The following DPP10 variants were observed in gnomAD, a reference collection of about 807,000 sequenced individuals.
DPP10 encodes the protein inactive dipeptidyl peptidase 10.
A neutral mutation model predicts 120.9 loss-of-function variants in DPP10; 33 were observed. That is an observed-to-expected ratio of 0.27 (90% confidence interval 0.21 to 0.37). The LOEUF (loss-of-function observed/expected upper bound fraction) is 0.37, where lower values mean the gene tolerates loss of function less well. DPP10 is among the 10% of genes least tolerant of loss of function. The probability of loss-of-function intolerance (pLI) is 1.00; values close to 1 mark genes in which losing one functional copy is unlikely to be tolerated. For synonymous variants in DPP10, 337 were observed against 326.1 expected (o/e 1.03, Z -0.36); for missense variants, 816 against 942.8 (o/e 0.87, Z 1.76).
intron 1 of DPP10, among the ~76,000 whole-genome samples, chr2:115,130,036 C>T (rs1235862173): frequency 6.6e-6 from 1 of 152,130 alleles, no homozygotes; most frequent in Non-Finnish European, 1.5e-5. Context: ...CTGCTTAGGA[C>T]TCACTAAACC....
chr2:115,109,723 C>G (rs867679543), intron 1 of DPP10, among the ~76,000 whole-genome samples: 3 of 152,178 alleles, frequency 2.0e-5, no homozygotes, highest in Non-Finnish European at 4.4e-5. Context: ...GATTCCTTCA[C>G]GCTGAATCCT....
chr2:115,709,094 C>T (rs543091666), intron 7 of DPP10, among the ~76,000 whole-genome samples: 5 of 152,172 alleles, frequency 3.3e-5, no homozygotes, highest in African/African-American at 1.2e-4. Context: ...GGCAGATTTT[C>T]GAAGGGAGTG....
intron 1 of DPP10, among the ~76,000 whole-genome samples, chr2:115,062,210 G>A (rs1173146395): frequency 6.6e-6 from 1 of 150,606 alleles, no homozygotes; most frequent in Non-Finnish European, 1.5e-5. Flanking sequence ...TTAGTAGTTT[G>A]AATTTTGCTA....
intron 1 of DPP10, among the ~76,000 whole-genome samples, chr2:114,523,874 T>C (rs958919321): frequency 6.6e-6 from 1 of 152,166 alleles, no homozygotes; most frequent in Non-Finnish European, 1.5e-5. Flanking sequence ...TCACAAGAGA[T>C]GGCATGTCTC....
At chr2:115,480,339 C>T (rs1344859522) in intron 3 of DPP10, among the ~76,000 whole-genome samples, 1 of 151,928 alleles carries the variant, frequency 6.6e-6, no homozygotes, top group Non-Finnish European at 1.5e-5. Context: ...TAAGAAATGG[C>T]CCTTTCTTTT....
At chr2:114,851,497 A>T (rs1688943284) in intron 1 of DPP10, among the ~76,000 whole-genome samples, 1 of 152,188 alleles carries the variant, frequency 6.6e-6, no homozygotes, top group South Asian at 2.1e-4. Context: ...ACTCAACAAG[A>T]TGTTGACCAC....
chr2:115,341,960 A>G (rs2063469482), intron 2 of DPP10, among the ~76,000 whole-genome samples: 1 of 152,206 alleles, frequency 6.6e-6, no homozygotes, highest in South Asian at 2.1e-4. Flanking sequence ...GGTAAATACA[A>G]AGGAGCCTGA....
chr2:115,679,195 G>GGT (rs1160653380), intron 5 of DPP10, among the ~76,000 whole-genome samples: 1 of 134,658 alleles, frequency 7.4e-6, no homozygotes, highest in African/African-American at 3.9e-5. Flanking sequence ...CATGAGATGT[G>GGT]GGGGGGGTGC....
At chr2:115,368,835 C>A (rs1260630918) in intron 3 of DPP10, among the ~76,000 whole-genome samples, 1 of 150,946 alleles carries the variant, frequency 6.6e-6, no homozygotes, top group Non-Finnish European at 1.5e-5. Context: ...AAAATATTTT[C>A]TTTAAATAAA....
At chr2:114,732,387 T>G (rs544233675) in intron 1 of DPP10, among the ~76,000 whole-genome samples, 1 of 152,232 alleles carries the variant, frequency 6.6e-6, no homozygotes, top group Non-Finnish European at 1.5e-5. Context: ...CTCTGGCAGG[T>G]GCTAAACTCC....
chr2:115,845,524 C>T lies in DPP10; in HGVS notation c.*3179C>T, dbSNP rs960068379. ...ATGGTCCATGGAAGACTCTGTGGGC[C>T]GCAGAAGCCCATAGCTGCATACCCT... On this transcript the variant is annotated 3_prime_UTR_variant, in exon 26 of 26. Coordinates refer to ENST00000410059, the MANE Select transcript of DPP10 (RefSeq NM_020868.6). 5 of 152,132 alleles carry T rather than the reference C, an allele frequency of 3.3e-5. No individual in the cohort carries two copies. The highest frequency in any genetic ancestry group is 6.5e-5 in the Admixed American group (1 of 15,272). The allele number at this position is 152,132 out of a possible 1,614,324, so 9.4% of individuals were successfully genotyped here.
At chr2:115,830,067 T>C (rs531889569) in intron 21 of DPP10, among the ~76,000 whole-genome samples, 1 of 152,104 alleles carries the variant, frequency 6.6e-6, no homozygotes, top group Non-Finnish European at 1.5e-5. Context: ...TTAAAAACAT[T>C]AATCACAGCC....
chr2:114,567,183 A>G (rs1174535485), intron 1 of DPP10, among the ~76,000 whole-genome samples: 1 of 152,194 alleles, frequency 6.6e-6, no homozygotes, highest in African/African-American at 2.4e-5. Flanking sequence ...AAACACCCTT[A>G]TGAGGCAGGT....
intron 3 of DPP10, 77 bp from the exon 4 acceptor site, chr2:115,499,433 T>A (rs2076566668): frequency 5.2e-6 from 6 of 1,153,730 alleles, no homozygotes. Context: ...CTGTTTATTT[T>A]GCACGTTTTC....
intron 1 of DPP10, among the ~76,000 whole-genome samples, chr2:115,047,513 C>T (rs1016665985): frequency 6.6e-5 from 10 of 151,622 alleles, no homozygotes; most frequent in East Asian, 3.9e-4. Flanking sequence ...ATATTTTAAC[C>T]GTGTCTTTTT....
intron 1 of DPP10, among the ~76,000 whole-genome samples, chr2:115,069,841 A>AT (rs1319914615): frequency 6.6e-6 from 1 of 151,156 alleles, no homozygotes; most frequent in African/African-American, 2.4e-5. Flanking sequence ...CGAATAGGCT[A>AT]TTTTTCAGGT....
chr2:115,132,073 G>C (rs780312253), intron 1 of DPP10: 1 of 152,158 alleles, frequency 6.6e-6, no homozygotes, highest in Non-Finnish European at 1.5e-5. Flanking sequence ...CTGGGCGACA[G>C]AGTGGCGCCA....
Position 114,932,330 on chromosome 2 carries a change from G to C in DPP10, c.61-376909G>C, listed in dbSNP as rs372235654. On this transcript the variant is annotated intron_variant, in intron 1 of 25. Coordinates refer to ENST00000410059, the MANE Select transcript of DPP10 (RefSeq NM_020868.6). ...ACTAAGTATATACCAAGAGAAATGA[G>C]TGCATTATTCACTAAAATATATGAA... Among the ~76,000 whole-genome samples the C allele has an allele frequency of 3.9e-5, 6 of 152,314 alleles. No homozygotes were observed. In the East Asian group the frequency reaches 9.6e-4, roughly 24 times the overall value.
intron 1 of DPP10, among the ~76,000 whole-genome samples, chr2:115,152,704 T>C (rs1234924002): frequency 1.3e-5 from 2 of 152,208 alleles, no homozygotes; most frequent in African/African-American, 4.8e-5. Flanking sequence ...ATCCTCAGTA[T>C]GGGGTCCTGT....
Sources: gnomAD v4.1 joint callset for allele counts (sites outside exome capture counted in the v4.1 genomes callset) on GRCh38, gnomAD v4.1.1 for gene constraint, MANE v1.5 for transcripts, NCBI Gene and HGNC (gene_info 2026-07-23, HGNC 2026-07-21) for gene names.